Variants in KIF24 observed in about 807,000 individuals in gnomAD.
KIF24 encodes the protein kinesin family member 24, also known as kinesin-like protein KIF24.
KIF24 carries 81 observed loss-of-function variants against 118.9 expected under a neutral mutation model. The observed-to-expected ratio is 0.68, with a 90% CI of 0.57 to 0.82. The LOEUF (loss-of-function observed/expected upper bound fraction) is 0.82, where lower values mean the gene tolerates loss of function less well. KIF24 is among the 40% of genes least tolerant of loss of function. KIF24 has a pLI of 0.00. For synonymous variants in KIF24, 599 were observed against 610.0 expected (o/e 0.98, Z 0.27); for missense variants, 1,560 against 1,661.6 (o/e 0.94, Z 1.06).
upstream of KIF24, among the ~76,000 whole-genome samples, chr9:34,333,529 A>G (rs1426728820): frequency 6.6e-6 from 1 of 151,078 alleles, no homozygotes; most frequent in African/African-American, 2.4e-5. Flanking sequence ...GCTACCCAGG[A>G]GGCTAAGACA....
At chr9:34,314,315 C>T (rs1258156456) in intron 1 of KIF24, among the ~76,000 whole-genome samples, 1 of 152,106 alleles carries the variant, frequency 6.6e-6, no homozygotes, top group African/African-American at 2.4e-5. Context: ...AGGCGCGCGC[C>T]ACCACGCCCG....
chr9:34,265,839 T>C (rs1322225745), intron 8 of KIF24, among the ~76,000 whole-genome samples: 1 of 152,136 alleles, frequency 6.6e-6, no homozygotes, highest in Non-Finnish European at 1.5e-5. Context: ...AAAAACTGTG[T>C]AATTTTAATT....
At chr9:34,281,711 C>A (rs776713707) in intron 6 of KIF24, among the ~76,000 whole-genome samples, 5 of 152,186 alleles carry the variant, frequency 3.3e-5, no homozygotes, top group Non-Finnish European at 7.3e-5. Flanking sequence ...CAATGCCAAA[C>A]CTGACTGCTT....
At chr9:34,314,012 T>C (rs577843721) in intron 1 of KIF24, among the ~76,000 whole-genome samples, 1 of 151,808 alleles carries the variant, frequency 6.6e-6, no homozygotes, top group East Asian at 1.9e-4. Context: ...TGCCTCAGCC[T>C]CCCAAAGCGG....
rs1432192801 is a variant in KIF24 at position 34,310,875 on chromosome 9, C to G, written c.472G>C (p.Ala158Pro). The G allele has an allele frequency of 6.2e-7, 1 of 1,613,976 alleles. No individual in the cohort carries two copies. Among genetic ancestry groups the G allele is most frequent in the Non-Finnish European group, 8.5e-7 (1 of 1,179,850 alleles). The change falls in exon 2 of 13, where the codon GCT (alanine) becomes CCT (proline). Residue 158 changes from alanine (A) to proline (P), a missense_variant. Coordinates refer to ENST00000402558, the MANE Select transcript of KIF24 (RefSeq NM_194313.4). ...TCTGTTTGCACATAGGAATCACCAG[C>G]TGTGGCATTCAGAATTCCTGTTTTT... ...HTKTGILNAT[A>P]GDSYVQTEIS...
rs1405038930 is a variant in KIF24 at position 34,318,672 on chromosome 9, C to T, written c.-25-7301G>A. 14 of 1,539,524 alleles carry T rather than the reference C, an allele frequency of 9.1e-6. No individual in the cohort carries two copies. Among genetic ancestry groups the T allele is most frequent in the African/African-American group, 6.7e-5 (5 of 74,402 alleles). On this transcript the variant is annotated intron_variant, in intron 1 of 12. Coordinates refer to ENST00000402558, the MANE Select transcript of KIF24 (RefSeq NM_194313.4). This position sits in a 1 kb window ranked among gnomAD's most constrained non-coding sequence, Gnocchi z 4.9. Reference sequence around the variant, plus strand: ...TCGCTGGGCGGCAAGGCGACCACGGCGTCGGAGGCCAAGGCAGTGCTGAGT... The same window carrying T: ...TCGCTGGGCGGCAAGGCGACCACGGTGTCGGAGGCCAAGGCAGTGCTGAGT...
At chr9:34,286,739 C>T in intron 5 of KIF24, 35 bp from the exon 6 acceptor site, 3 of 1,416,062 alleles carry the variant, frequency 2.1e-6, no homozygotes, top group South Asian at 2.3e-5. Flanking sequence ...TATGATGGTG[C>T]TACTAAAACA....
intron 9 of KIF24, among the ~76,000 whole-genome samples, 169 bp downstream of exon 9, chr9:34,262,932 C>T (rs538798989): frequency 2.4e-4 from 37 of 151,978 alleles, no homozygotes; most frequent in African/African-American, 8.7e-4. Context: ...TGATACTCAA[C>T]TTGTAGACAG....
Position 34,257,457 on chromosome 9 carries a change from A to C in KIF24, c.2150T>G (p.Val717Gly). 1 of 1,614,046 alleles carries C rather than the reference A, an allele frequency of 6.2e-7. No homozygotes were observed. The highest frequency in any genetic ancestry group is 1.1e-5 in the South Asian group (1 of 91,086). The change falls in exon 11 of 13, where the codon GTG becomes GGG. Residue 717 changes from valine to glycine, a missense_variant. This residue lies in a region of KIF24 where 964 missense variants were observed against 988.0 expected (regional missense o/e 0.98). Transcript: ENST00000402558. ...GCCAAAGGAGAGCTCAACTCGAGAC[A>C]CAAGCTGCTTCTGTACTGGCTGCAC... is the stretch of plus-strand genomic sequence containing the variant. ...QTVQPVQKQL[V>G]SRVELSFGNA...
upstream of KIF24, among the ~76,000 whole-genome samples, chr9:34,331,721 G>A (rs1001517335): frequency 6.6e-6 from 1 of 152,168 alleles, no homozygotes; most frequent in African/African-American, 2.4e-5. Context: ...CCCACCTTGG[G>A]AAATGAAGAG....
At chr9:34,272,397 T>C (rs1436545856) in intron 6 of KIF24, among the ~76,000 whole-genome samples, 1 of 152,210 alleles carries the variant, frequency 6.6e-6, no homozygotes, top group African/African-American at 2.4e-5. Flanking sequence ...ATGGAAGTGA[T>C]GAGTTACTGT....
rs371907191 is a variant in KIF24 at position 34,259,924 on chromosome 9, T to G, written c.1516-219A>C. Among the ~76,000 whole-genome samples the G allele has an allele frequency of 7.2e-5, 11 of 152,092 alleles. 1 individual carries two copies. Among genetic ancestry groups the G allele is most frequent in the South Asian group, 2.1e-4 (1 of 4,828 alleles). Reference sequence around the variant, plus strand: ...GCAAACAAACCATTAAAAAAACCAATATTTTTAACTCATTAGATTAAGAGA... The same window carrying G: ...GCAAACAAACCATTAAAAAAACCAAGATTTTTAACTCATTAGATTAAGAGA... On this transcript the variant is annotated intron_variant, in intron 9 of 12. Coordinates refer to ENST00000402558, the MANE Select transcript of KIF24 (RefSeq NM_194313.4).
intron 2 of KIF24, among the ~76,000 whole-genome samples, chr9:34,307,401 TAA>T (rs145662656): frequency 2.1e-5 from 3 of 143,852 alleles, no homozygotes; most frequent in African/African-American, 2.5e-5. Context: ...TGAATTGGTT[TAA>T]AAAAAAAAAA....
In KIF24 at chr9:34,318,232, C is replaced by T. The variant is rs1837390074; in HGVS notation, c.-25-6861G>A. Among the ~76,000 whole-genome samples the T allele has an allele frequency of 6.6e-6, 1 of 152,174 alleles. No individual in the cohort carries two copies. Among genetic ancestry groups the T allele is most frequent in the Non-Finnish European group, 1.5e-5 (1 of 68,046 alleles). On this transcript the variant is annotated intron_variant, in intron 1 of 12. Coordinates refer to ENST00000402558, the MANE Select transcript of KIF24 (RefSeq NM_194313.4). This position sits in a 1 kb window ranked among gnomAD's most constrained non-coding sequence, Gnocchi z 4.9. ...ATGAATAATGAACATATAGGTAACC[C>T]TCAGCTATAAGTTGTAAAAGTTACA...
At chr9:34,269,714 T>C (rs373683515) in intron 7 of KIF24, among the ~76,000 whole-genome samples, 1 of 151,666 alleles carries the variant, frequency 6.6e-6, no homozygotes, top group Non-Finnish European at 1.5e-5. Context: ...CCACCGCGCC[T>C]GGCCAGAAGC....
rs1306244821 is a variant in KIF24, at chr9:34,290,194, G to T, written c.1107C>A (p.Asp369Glu). ...FYEIYCGQLY[D>E]LLNRRKRLFA... Reference sequence around the variant, plus strand: ...AGTACCTTTTTCTTCTATTTAGGAGGTCATAAAGCTGTCCACAGTAAATTT... The same window carrying T: ...AGTACCTTTTTCTTCTATTTAGGAGTTCATAAAGCTGTCCACAGTAAATTT... Residue 369 changes from aspartate (D) to glutamate (E), a missense_variant, in exon 5 of 13, where the codon GAC becomes GAA. Physicochemically the swap from Asp to Glu is conservative, Grantham distance 45. Coordinates refer to ENST00000402558, the MANE Select transcript of KIF24 (RefSeq NM_194313.4). 5.0e-6 allele frequency: 8 copies of T among 1,613,158 alleles called. No individual in the cohort carries two copies. Among genetic ancestry groups the T allele is most frequent in the Non-Finnish European group, 6.8e-6 (8 of 1,179,174 alleles).
chr9:34,315,528 G>A (rs1431258938), intron 1 of KIF24, among the ~76,000 whole-genome samples: 3 of 151,934 alleles, frequency 2.0e-5, no homozygotes, highest in South Asian at 2.1e-4. Context: ...AAACTGATAC[G>A]GCATTTATGA....
intron 6 of KIF24, among the ~76,000 whole-genome samples, chr9:34,279,794 T>A (rs1282887883): frequency 6.6e-6 from 1 of 152,220 alleles, no homozygotes; most frequent in Non-Finnish European, 1.5e-5. Context: ...GTGCTGTTGT[T>A]TCAAGTCAAT....
In KIF24 at chr9:34,252,828, C is replaced by T. The variant is rs1006309132; in HGVS notation, c.*1552G>A. On this transcript the variant is annotated 3_prime_UTR_variant, in exon 13 of 13. Transcript: ENST00000402558. ...GATCACCCAGTAAAAGAGGAAGAAGCCCTTTTACTGTGAGCAGCAGGCATT... is the reference window on the plus strand; with the variant it reads ...GATCACCCAGTAAAAGAGGAAGAAGTCCTTTTACTGTGAGCAGCAGGCATT... 6.6e-6 allele frequency: 1 copy of T among 152,040 alleles called. No individual in the cohort carries two copies. The highest frequency in any genetic ancestry group is 2.4e-5 in the African/African-American group (1 of 41,382). 9.4% of individuals were successfully genotyped at this position (152,040 alleles called of 1,614,324 possible). A position where few individuals can be genotyped will look rare whatever the true frequency, so the allele number is the denominator to read the frequency against.
Sources: gnomAD v4.1 joint callset for allele counts (sites outside exome capture counted in the v4.1 genomes callset) on GRCh38, gnomAD v4.1.1 for gene constraint, gnomAD v4.1.1 regional missense constraint, Gnocchi (gnomAD v3.1) non-coding constraint, MANE v1.5 for transcripts, NCBI Gene and HGNC (gene_info 2026-07-23, HGNC 2026-07-21) for gene names.